Variants in SLC24A2 observed in about 807,000 individuals in gnomAD.
The protein encoded by SLC24A2 is sodium/potassium/calcium exchanger 2.
A neutral mutation model predicts 62.0 loss-of-function variants in SLC24A2; 36 were observed. That is an observed-to-expected ratio of 0.58 (90% CI 0.44 to 0.77). The LOEUF (loss-of-function observed/expected upper bound fraction) is 0.77. SLC24A2 is among the 30% of genes least tolerant of loss of function. SLC24A2 has a pLI of 0.00. For synonymous variants in SLC24A2, 358 were observed against 294.0 expected (o/e 1.22, Z -2.23); for missense variants, 846 against 817.9 (o/e 1.03, Z -0.42).
chr9:20,232,508 G>C, the SLC24A2 span, among the ~76,000 whole-genome samples: 4 of 152,086 alleles, frequency 2.6e-5, no homozygotes, highest in African/African-American at 4.8e-5. Context: ...TCTAGATTTT[G>C]TAGTTTATTT....
intron 8 of SLC24A2, among the ~76,000 whole-genome samples, chr9:19,530,296 G>A (rs1021491110): frequency 1.3e-5 from 2 of 151,984 alleles, no homozygotes; most frequent in Non-Finnish European, 2.9e-5. Context: ...GAACCCTCTT[G>A]CCACGTGGGG....
At chr9:20,185,941 A>C in the SLC24A2 span, among the ~76,000 whole-genome samples, 1 of 152,184 alleles carries the variant, frequency 6.6e-6, no homozygotes, top group Admixed American at 6.5e-5. Context: ...TCCCTCTCCA[A>C]GGTCTCAGTT....
chr9:19,640,495 T>C (rs1341821749), intron 2 of SLC24A2, among the ~76,000 whole-genome samples: 1 of 152,232 alleles, frequency 6.6e-6, no homozygotes. Flanking sequence ...TAGGCGTTGA[T>C]ACGGGGTTGG....
At chr9:19,804,614 G>T in the SLC24A2 span, among the ~76,000 whole-genome samples, 1 of 151,980 alleles carries the variant, frequency 6.6e-6, no homozygotes, top group African/African-American at 2.4e-5. Flanking sequence ...TTCTTCCTTT[G>T]TAATGAAGAT....
At chr9:19,861,829 T>C in the SLC24A2 span, among the ~76,000 whole-genome samples, 1 of 152,044 alleles carries the variant, frequency 6.6e-6, no homozygotes, top group African/African-American at 2.4e-5. Context: ...AATAGCAGAA[T>C]TAATCAAGCA....
the SLC24A2 span, among the ~76,000 whole-genome samples, chr9:19,798,374 T>C: frequency 6.6e-6 from 1 of 152,196 alleles, no homozygotes; most frequent in African/African-American, 2.4e-5. Context: ...CCTACAGCCA[T>C]AGTTAGCCTT....
the SLC24A2 span, chr9:19,926,941 A>T: frequency 6.5e-6 from 1 of 152,674 alleles, no homozygotes. Context: ...CAGGGGTGGT[A>T]GAGGAACGGG....
At chr9:19,695,507 G>T (rs1036510797) in intron 2 of SLC24A2, among the ~76,000 whole-genome samples, 2 of 151,962 alleles carry the variant, frequency 1.3e-5, no homozygotes, top group Non-Finnish European at 2.9e-5. Context: ...AAGAAAAACT[G>T]TAATTGATAC....
At chr9:19,812,933 C>T in the SLC24A2 span, among the ~76,000 whole-genome samples, 1 of 152,200 alleles carries the variant, frequency 6.6e-6, no homozygotes, top group African/African-American at 2.4e-5. Context: ...ATTTTCTGGG[C>T]ACCTGAAACG....
intron 2 of SLC24A2, among the ~76,000 whole-genome samples, chr9:19,778,387 G>A (rs1822907877): frequency 6.6e-6 from 1 of 152,132 alleles, no homozygotes; most frequent in African/African-American, 2.4e-5. Flanking sequence ...CTGATAGCGG[G>A]AAGGGAGTTC....
chr9:19,697,144 A>C (rs1316616591), intron 2 of SLC24A2, among the ~76,000 whole-genome samples: 5 of 152,228 alleles, frequency 3.3e-5, no homozygotes, highest in African/African-American at 1.2e-4. Flanking sequence ...GTTTTAATTA[A>C]TATATTAAGA....
intron 2 of SLC24A2, among the ~76,000 whole-genome samples, chr9:19,625,691 CTT>C (rs5896851): frequency 2.1e-5 from 3 of 143,800 alleles, no homozygotes; most frequent in Non-Finnish European, 3.0e-5. Context: ...TTTTTCTTTT[CTT>C]TTTTTTTTTT....
chr9:19,668,213 A>C (rs1287742537), intron 2 of SLC24A2, among the ~76,000 whole-genome samples: 1 of 152,058 alleles, frequency 6.6e-6, no homozygotes, highest in African/African-American at 2.4e-5. Context: ...ACATCCCCCA[A>C]TATATTTTAT....
the SLC24A2 span, among the ~76,000 whole-genome samples, chr9:20,211,202 T>C: frequency 1.2e-4 from 18 of 152,140 alleles, 1 homozygote; most frequent in Admixed American, 1.2e-3. Context: ...TATCTGTTTG[T>C]TTTTGTAATT....
the SLC24A2 span, among the ~76,000 whole-genome samples, chr9:20,039,344 T>C: frequency 3.2e-4 from 49 of 152,006 alleles, no homozygotes; most frequent in African/African-American, 1.1e-3. Context: ...GAAGCTGGAA[T>C]TGGGGATGCC....
chr9:20,282,653 C>T, the SLC24A2 span, among the ~76,000 whole-genome samples: 6 of 152,186 alleles, frequency 3.9e-5, no homozygotes, highest in African/African-American at 1.4e-4. Context: ...ATGTTCATTA[C>T]AGAAATTTTG....
chr9:20,299,150 G>C, the SLC24A2 span, among the ~76,000 whole-genome samples: 2 of 152,208 alleles, frequency 1.3e-5, no homozygotes, highest in African/African-American at 2.4e-5. Flanking sequence ...GAGGGAGCAG[G>C]AGCAGGCAGG....
intron 7 of SLC24A2, among the ~76,000 whole-genome samples, chr9:19,570,700 A>C (rs1835812086): frequency 1.3e-5 from 2 of 152,218 alleles, no homozygotes; most frequent in Admixed American, 1.3e-4. Context: ...TTTAACCCTT[A>C]TGATAGCTGC....
the SLC24A2 span, among the ~76,000 whole-genome samples, chr9:19,861,188 A>G: frequency 6.6e-6 from 1 of 152,168 alleles, no homozygotes; most frequent in Admixed American, 6.5e-5. Context: ...GATGGTGGCT[A>G]CAGGGGGTGC....
Sources: gnomAD v4.1 joint callset for allele counts (sites outside exome capture counted in the v4.1 genomes callset) on GRCh38, gnomAD v4.1.1 for gene constraint, MANE v1.5 for transcripts, NCBI Gene and HGNC (gene_info 2026-07-23, HGNC 2026-07-21) for gene names.